CSTF3: variants seen among roughly 807,000 people sequenced by gnomAD.
CSTF3 encodes the protein CF-1 77 kDa subunit.
A neutral mutation model predicts 105.8 loss-of-function variants in CSTF3; 29 were observed. The ratio of observed to expected loss-of-function variants is 0.27; its 90% confidence interval spans 0.20 to 0.37. The LOEUF is 0.37. CSTF3 is among the 10% of genes least tolerant of loss of function. The probability of loss-of-function intolerance (pLI) is 1.00; values close to 1 mark genes in which losing one functional copy is unlikely to be tolerated. For synonymous variants in CSTF3, 252 were observed against 281.9 expected, an observed-to-expected ratio of 0.89 and a Z score of 1.06; for missense variants, 357 against 879.3, an observed-to-expected ratio of 0.41 and a Z score of 7.51.
At position 33,113,000 on chromosome 11, in the gene CSTF3, G is replaced by A. The variant is rs7127994; in HGVS notation, c.226-4582C>T. Among the ~76,000 whole-genome samples the A allele has an allele frequency of 5.2e-3, 782 of 151,702 alleles. 2 individuals are homozygous for A. Among genetic ancestry groups the A allele is most frequent in the African/African-American group, 0.018 (728 of 41,346 alleles). On this transcript the variant is annotated intron_variant, in intron 3 of 20. Coordinates refer to ENST00000323959, the MANE Select transcript of CSTF3 (RefSeq NM_001326.3). The stretch of plus-strand genomic sequence containing the variant: ...CGGTGGGTGGATTGCTTGAGGCCAC[G>A]AATTCAAGACCAGCCTGGCCAACAT...
intron 1 of CSTF3, among the ~76,000 whole-genome samples, chr11:33,143,882 C>T (rs979663710): frequency 6.6e-6 from 1 of 151,674 alleles, no homozygotes; most frequent in Non-Finnish European, 1.5e-5. Context: ...CCCAGCTACT[C>T]GGGAGGCTAA....
At chr11:33,129,178 G>A (rs556598692) in intron 3 of CSTF3, among the ~76,000 whole-genome samples, 10 of 152,222 alleles carry the variant, frequency 6.6e-5, no homozygotes, top group Admixed American at 5.2e-4. Context: ...TGCAACCTCC[G>A]CCTCCAGGGC....
At chr11:33,140,052 A>G (rs1339653711) in intron 3 of CSTF3, among the ~76,000 whole-genome samples, 2 of 152,098 alleles carry the variant, frequency 1.3e-5, no homozygotes, top group East Asian at 3.8e-4. Context: ...TTGAGAAACA[A>G]GGAAATTTCA....
chr11:33,100,595 A>G (rs1016072499), intron 10 of CSTF3, among the ~76,000 whole-genome samples: 4 of 152,194 alleles, frequency 2.6e-5, no homozygotes. Context: ...AGAAGTCTGC[A>G]GTATACGGGG....
At chr11:33,131,867 CATT>C (rs1353545455) in intron 3 of CSTF3, among the ~76,000 whole-genome samples, 1 of 152,066 alleles carries the variant, frequency 6.6e-6, no homozygotes, top group Non-Finnish European at 1.5e-5. Flanking sequence ...AAGATTTGAA[CATT>C]ATTGTTCCTT....
intron 1 of CSTF3, among the ~76,000 whole-genome samples, chr11:33,152,282 T>C (rs1849794759): frequency 6.6e-6 from 1 of 152,024 alleles, no homozygotes; most frequent in Non-Finnish European, 1.5e-5. Flanking sequence ...ATAAATAAAA[T>C]AAAAACTGGA....
chr11:33,117,662 A>AATAT lies in CSTF3; in HGVS notation c.226-9248_226-9245dup, dbSNP rs35833148. Among the ~76,000 whole-genome samples the AATAT allele has an allele frequency of 9.3e-3, 1,395 of 149,498 alleles. 5 individuals are homozygous for AATAT. Among genetic ancestry groups the AATAT allele is most frequent in the Non-Finnish European group, 0.013 (901 of 66,992 alleles). ...CACTATACTATACTGCTCTCAGCAC[A>AATAT]ATATATATATATATGAGGATGTTCA... On this transcript the variant is annotated intron_variant, in intron 3 of 20. Transcript: ENST00000323959.
intron 17 of CSTF3, 45 bp from the exon 18 acceptor site, chr11:33,087,186 AC>A: frequency 6.3e-7 from 1 of 1,597,598 alleles, no homozygotes; most frequent in Non-Finnish European, 8.6e-7. Context: ...AAAAGGGACT[AC>A]TAGAGAATAA....
intron 17 of CSTF3, among the ~76,000 whole-genome samples, chr11:33,088,926 T>C (rs1233051731): frequency 1.3e-5 from 2 of 152,236 alleles, no homozygotes; most frequent in Non-Finnish European, 2.9e-5. Context: ...CAGATCTTTA[T>C]TTTAATTAAC....
At chr11:33,129,110 T>C (rs1855572793) in intron 3 of CSTF3, among the ~76,000 whole-genome samples, 1 of 152,136 alleles carries the variant, frequency 6.6e-6, no homozygotes, top group Non-Finnish European at 1.5e-5. Context: ...AAAAAAGACA[T>C]TTTCAAAGTC....
At chr11:33,095,031 T>C (rs1180547897) in intron 15 of CSTF3, among the ~76,000 whole-genome samples, 1 of 152,170 alleles carries the variant, frequency 6.6e-6, no homozygotes. Context: ...CCCCAGTAGC[T>C]GGGATTACAG....
At chr11:33,147,070 T>A (rs1855793215) in intron 1 of CSTF3, among the ~76,000 whole-genome samples, 1 of 151,092 alleles carries the variant, frequency 6.6e-6, no homozygotes, top group African/African-American at 2.4e-5. Flanking sequence ...GCAGGCGGAC[T>A]GCTTGAGGCC....
At position 33,085,021 on chromosome 11, in the gene CSTF3, T is replaced by C. The variant is rs1471274923; in HGVS notation, c.*66A>G. On this transcript the variant is annotated 3_prime_UTR_variant, in exon 21 of 21. Transcript: ENST00000323959. The stretch of plus-strand genomic sequence containing the variant: ...AACCTTGTAACAAAGCGTTGTCTCT[T>C]TTAAACATACCACTTGAGGCAAAAG... 6.5e-7 allele frequency: 1 copy of C among 1,548,314 alleles called. No individual in the cohort carries two copies. Among genetic ancestry groups the C allele is most frequent in the Non-Finnish European group, 8.9e-7 (1 of 1,121,494 alleles).
chr11:33,105,576 C>T lies in CSTF3; in HGVS notation c.576G>A (p.Lys192=), dbSNP rs765732601. The T allele has an allele frequency of 1.1e-5, 17 of 1,608,780 alleles. No individual in the cohort carries two copies. The Admixed American group carries it at 1.5e-4, about 15-fold the overall frequency. ...NIEQLWRDYN[K]YEEGINIHLA... ...CTCTGACCTAATTTACCTCTTCATA[C>T]TTGTTATAGTCTCTCCAGAGCTGTT... Residue 192 remains lysine, a synonymous_variant, in exon 8 of 21, where the codon AAG becomes AAA. Transcript: ENST00000323959.
intron 16 of CSTF3, among the ~76,000 whole-genome samples, chr11:33,091,722 T>A (rs1288128015): frequency 6.6e-6 from 1 of 152,194 alleles, no homozygotes; most frequent in African/African-American, 2.4e-5. Flanking sequence ...TTTTTTGTTG[T>A]TGTTGAGACA....
In CSTF3 at chr11:33,090,589, G is replaced by T; in HGVS notation, c.1584C>A (p.Tyr528Ter). ...GKETALLVDR[Y>*]KFMDLYPCSA... Reference sequence around the variant, plus strand: ...AGCAAGGATATAAATCCATGAACTTGTATCTATCTACTAGTAAAGCCGTTT... The same window carrying T: ...AGCAAGGATATAAATCCATGAACTTTTATCTATCTACTAGTAAAGCCGTTT... Residue 528 changes from tyrosine to a stop codon, truncating the protein, a stop_gained, in exon 17 of 21, where the codon TAC (tyrosine) becomes TAA (stop). Transcript: ENST00000323959. LOFTEE classifies it high-confidence loss of function. The T allele has an allele frequency of 6.2e-7, 1 of 1,609,692 alleles. No homozygotes were observed. The highest frequency in any genetic ancestry group is 8.5e-7 in the Non-Finnish European group (1 of 1,178,674).
At chr11:33,109,044 C>G (rs1029747138) in intron 3 of CSTF3, among the ~76,000 whole-genome samples, 2 of 152,254 alleles carry the variant, frequency 1.3e-5, no homozygotes, top group Non-Finnish European at 2.9e-5. Flanking sequence ...GAGCAAAAGA[C>G]TTAGACTTGG....
chr11:33,148,758 G>C (rs940504562), intron 1 of CSTF3, among the ~76,000 whole-genome samples: 1 of 151,540 alleles, frequency 6.6e-6, no homozygotes, highest in Non-Finnish European at 1.5e-5. Context: ...TCTTTCTGCA[G>C]TCTAGTGAAA....
At chr11:33,157,082 G>C (rs752800372) in intron 1 of CSTF3, among the ~76,000 whole-genome samples, 1 of 151,968 alleles carries the variant, frequency 6.6e-6, no homozygotes. Flanking sequence ...GCTGGGCGCA[G>C]TGGCTCACGC....
Sources: gnomAD v4.1 joint callset for allele counts (sites outside exome capture counted in the v4.1 genomes callset) on GRCh38, gnomAD v4.1.1 for gene constraint, MANE v1.5 for transcripts, NCBI Gene and HGNC (gene_info 2026-07-23, HGNC 2026-07-21) for gene names.